Variants in FAM133A observed in about 807,000 individuals in gnomAD.
The protein encoded by FAM133A is protein FAM133A.
For missense variants in FAM133A, 159 were observed against 164.4 expected (o/e 0.97, Z 0.18); for synonymous variants, 65 against 58.6 (o/e 1.11, Z -0.50).
chrX:93,692,075 C>A (rs761961334), intron 2 of FAM133A, among the ~76,000 whole-genome samples: 2 of 111,537 alleles, frequency 1.8e-5, no homozygotes, highest in South Asian at 7.5e-4. Flanking sequence ...TATTCCTTAT[C>A]CAAAAGACTT....
At chrX:93,679,551 AT>A (rs1924957847) in intron 2 of FAM133A, among the ~76,000 whole-genome samples, 1 of 111,093 alleles carries the variant, frequency 9.0e-6, no homozygotes, top group South Asian at 3.8e-4. Context: ...ACATAGCGCT[AT>A]TTTTTAAAGA....
rs1340963502 is a variant in FAM133A at position 93,705,179 on chromosome X, G to T, written c.-103-4138G>T. Among the ~76,000 whole-genome samples the T allele has an allele frequency of 2.7e-5, 3 of 111,275 alleles. No individual in the cohort carries two copies. The East Asian group carries it at 8.4e-4, about 31-fold the overall frequency. On this transcript the variant is annotated intron_variant, in intron 3 of 3. Transcript: ENST00000683942. ...TTGCATAGTATCTTGGCACATAATAGATTATCAAAAGGGAATTGTAAGAAT... is the reference window on the plus strand; with the variant it reads ...TTGCATAGTATCTTGGCACATAATATATTATCAAAAGGGAATTGTAAGAAT...
intron 2 of FAM133A, among the ~76,000 whole-genome samples, chrX:93,684,140 T>C (rs1458087963): frequency 8.9e-6 from 1 of 112,015 alleles, no homozygotes; most frequent in East Asian, 2.8e-4. Flanking sequence ...TCTTGTGTCT[T>C]ACATGTAAGT....
At chrX:93,690,040 GA>G (rs375155088) in intron 2 of FAM133A, among the ~76,000 whole-genome samples, 76 of 99,594 alleles carry the variant, frequency 7.6e-4, no homozygotes, top group African/African-American at 1.3e-3. Flanking sequence ...ATGAAAACTG[GA>G]AAAAAAAAAA....
At chrX:93,699,277 C>T (rs1926527171) in intron 3 of FAM133A, among the ~76,000 whole-genome samples, 1 of 110,966 alleles carries the variant, frequency 9.0e-6, no homozygotes, top group Admixed American at 9.6e-5. Context: ...GTAGACTAGC[C>T]AAAACTGAAA....
chrX:93,676,938 T>C (rs1176521860), intron 2 of FAM133A, among the ~76,000 whole-genome samples: 1 of 81,241 alleles, frequency 1.2e-5, no homozygotes. Context: ...TTTTTTTTTT[T>C]TTGGTCAATT....
intron 3 of FAM133A, among the ~76,000 whole-genome samples, chrX:93,701,526 G>A (rs760667358): frequency 1.8e-5 from 2 of 111,351 alleles, no homozygotes; most frequent in Non-Finnish European, 3.8e-5. Context: ...AAGGTGACCC[G>A]TGAAAATAGA....
At chrX:93,696,474 C>G (rs1178160170) in intron 2 of FAM133A, among the ~76,000 whole-genome samples, 1 of 111,811 alleles carries the variant, frequency 8.9e-6, no homozygotes, top group Non-Finnish European at 1.9e-5. Context: ...AGTGTTCTTT[C>G]TCTCAGACCC....
chrX:93,680,923 A>C lies in FAM133A; in HGVS notation c.-193+6171A>C, dbSNP rs149435792. Among the ~76,000 whole-genome samples, 315 of 111,625 alleles carry C rather than the reference A, an allele frequency of 2.8e-3. 1 individual carries two copies. Among genetic ancestry groups the C allele is most frequent in the African/African-American group, 9.8e-3 (301 of 30,820 alleles). ...TACTCATTTACTTCCTTTATTGTGC[A>C]AAAACTTTTTAGTTTGATGTGATGC... On this transcript the variant is annotated intron_variant, in intron 2 of 3. Coordinates refer to ENST00000683942, the MANE Select transcript of FAM133A (RefSeq NM_001171109.2).
intron 3 of FAM133A, among the ~76,000 whole-genome samples, chrX:93,705,953 A>G (rs1927015876): frequency 9.0e-6 from 1 of 111,467 alleles, no homozygotes; most frequent in Non-Finnish European, 1.9e-5. Flanking sequence ...TACTTTCCGT[A>G]TTGACTGTGA....
At chrX:93,674,364 C>A (rs1419976618) in intron 1 of FAM133A, 90 bp downstream of exon 1, 1 of 111,720 alleles carries the variant, frequency 9.0e-6, no homozygotes, top group Non-Finnish European at 1.9e-5. Flanking sequence ...CCACGTAGCC[C>A]TTCTCAATGC....
At position 93,710,382 on chromosome X, in the gene FAM133A, ATGTT is replaced by A. The variant is rs1927369064; in HGVS notation, c.*219_*222del. 9.2e-6 allele frequency: 3 copies of A among 325,950 alleles called. No homozygotes were observed. Among genetic ancestry groups the A allele is most frequent in the Non-Finnish European group, 1.1e-5 (2 of 185,323 alleles). 26.9% of individuals were successfully genotyped at this position (325,950 alleles called of 1,213,427 possible). ...TTCTGTTGTCATACCAGTGAATAAA[ATGTT>A]TGAAATTAAAGTAAAATGTGTTAGA... On this transcript the variant is annotated 3_prime_UTR_variant, in exon 4 of 4. Transcript: ENST00000683942.
At chrX:93,705,815 T>C (rs913888864) in intron 3 of FAM133A, among the ~76,000 whole-genome samples, 1 of 111,556 alleles carries the variant, frequency 9.0e-6, no homozygotes, top group African/African-American at 3.3e-5. Flanking sequence ...ACCTAGGTTT[T>C]TAAAACATGT....
chrX:93,687,535 AT>A (rs1306302112), intron 2 of FAM133A, among the ~76,000 whole-genome samples: 1 of 112,003 alleles, frequency 8.9e-6, no homozygotes, highest in Admixed American at 9.5e-5. Context: ...TGATTGACAC[AT>A]AATGGTTATA....
At chrX:93,690,198 C>T (rs942867666) in intron 2 of FAM133A, among the ~76,000 whole-genome samples, 2 of 111,521 alleles carry the variant, frequency 1.8e-5, no homozygotes, top group Admixed American at 9.6e-5. Context: ...TTATTTACTG[C>T]ATCCCTGTGT....
chrX:93,708,895 T>C (rs1284582057), intron 3 of FAM133A, among the ~76,000 whole-genome samples: 2 of 111,655 alleles, frequency 1.8e-5, no homozygotes, highest in Admixed American at 1.9e-4. Context: ...CAGTTATGAC[T>C]CCTGGGCTTC....
At chrX:93,683,231 T>G (rs1925284589) in intron 2 of FAM133A, among the ~76,000 whole-genome samples, 2 of 112,021 alleles carry the variant, frequency 1.8e-5, no homozygotes, top group African/African-American at 6.5e-5. Flanking sequence ...AACCCTTTCA[T>G]TTCATTAGTA....
intron 2 of FAM133A, among the ~76,000 whole-genome samples, chrX:93,688,031 C>G (rs1403276525): frequency 9.0e-6 from 1 of 111,365 alleles, no homozygotes; most frequent in Admixed American, 9.5e-5. Context: ...ATCACATTTT[C>G]TTTGTCCATT....
chrX:93,700,500 C>T (rs1242538884), intron 3 of FAM133A, among the ~76,000 whole-genome samples: 1 of 111,232 alleles, frequency 9.0e-6, no homozygotes, highest in Non-Finnish European at 1.9e-5. Context: ...CTCCCTCTGA[C>T]GATGAATACT....
Sources: allele counts gnomAD v4.1 joint callset (sites outside exome capture counted in the v4.1 genomes callset), GRCh38; gene constraint gnomAD v4.1.1; transcripts MANE v1.5; gene names NCBI Gene and HGNC (gene_info 2026-07-23, HGNC 2026-07-21).